ANKRD30B: variants seen among roughly 807,000 people sequenced by gnomAD.
ANKRD30B encodes ankyrin repeat domain 30B, also known as ankyrin repeat domain-containing protein 30B.
A neutral mutation model predicts 202.2 loss-of-function variants in ANKRD30B; 144 were observed. The ratio of observed to expected loss-of-function variants is 0.71; its 90% CI spans 0.62 to 0.82. ANKRD30B has a LOEUF of 0.82. Among genes scored for constraint, ANKRD30B ranks in the 40% least tolerant of loss-of-function variants. ANKRD30B has a pLI of 0.00. For missense variants in ANKRD30B, 1,487 were observed against 1,669.1 expected (o/e 0.89, Z 1.90); for synonymous variants, 508 against 561.3 (o/e 0.91, Z 1.34).
At chr18:14,791,378 T>C (rs1335839299) in intron 15 of ANKRD30B, 23 bp from the exon 16 acceptor site, 8 of 1,557,642 alleles carry the variant, frequency 5.1e-6, no homozygotes, top group East Asian at 4.5e-5. Context: ...ATTGAAATTA[T>C]TTATTGATAT....
the ANKRD30B span, among the ~76,000 whole-genome samples, chr18:14,901,185 G>A: frequency 6.6e-6 from 1 of 152,080 alleles, no homozygotes; most frequent in Non-Finnish European, 1.5e-5. Context: ...TTTAACCATG[G>A]CTATTCTGTC....
chr18:14,864,446 T>A, the ANKRD30B span, among the ~76,000 whole-genome samples: 3 of 152,100 alleles, frequency 2.0e-5, no homozygotes, highest in Non-Finnish European at 4.4e-5. Flanking sequence ...ACAGGAGGAA[T>A]TTTTTTCCTG....
chr18:14,836,682 A>G (rs1971189405), intron 34 of ANKRD30B, among the ~76,000 whole-genome samples: 1 of 152,038 alleles, frequency 6.6e-6, no homozygotes, highest in Admixed American at 6.6e-5. Flanking sequence ...TATATATCTT[A>G]TATGGTTTGG....
intron 33 of ANKRD30B, among the ~76,000 whole-genome samples, chr18:14,829,208 G>A (rs1423795899): frequency 6.6e-6 from 1 of 152,034 alleles, no homozygotes; most frequent in Non-Finnish European, 1.5e-5. Flanking sequence ...GGATTTTAAG[G>A]ACTCTTGGAG....
At position 14,787,120 on chromosome 18, in the gene ANKRD30B, T is replaced by A; in HGVS notation, c.1734+20T>A. The stretch of plus-strand genomic sequence containing the variant: ...TCTGAGGTACTATGTGTTATTGATT[T>A]TTTTAAATATTAGTATTGCATGAGA... On this transcript the variant is annotated intron_variant, in intron 15 of 43. Transcript: ENST00000690538. The A allele has an allele frequency of 6.3e-7, 1 of 1,589,088 alleles. No individual in the cohort carries two copies. Among genetic ancestry groups the A allele is most frequent in the Non-Finnish European group, 8.6e-7 (1 of 1,163,934 alleles).
intron 3 of ANKRD30B, among the ~76,000 whole-genome samples, chr18:14,754,215 C>A (rs1279780470): frequency 6.6e-6 from 1 of 152,090 alleles, no homozygotes; most frequent in Non-Finnish European, 1.5e-5. Context: ...CATCTGGGAT[C>A]TTGGGATTAT....
chr18:14,921,097 T>C, the ANKRD30B span, among the ~76,000 whole-genome samples: 2 of 152,152 alleles, frequency 1.3e-5, no homozygotes, highest in South Asian at 2.1e-4. Flanking sequence ...AGTGATCAGG[T>C]GGCAGGTGTA....
chr18:14,863,508 A>G, the ANKRD30B span, among the ~76,000 whole-genome samples: 6 of 152,204 alleles, frequency 3.9e-5, no homozygotes, highest in South Asian at 6.2e-4. Context: ...TGCTGGTCCC[A>G]TGCTTCTACT....
chr18:14,769,419 C>T (rs1376891484), intron 8 of ANKRD30B, 46 bp downstream of exon 8: 3 of 1,470,362 alleles, frequency 2.0e-6, no homozygotes, highest in South Asian at 1.2e-5. Context: ...ACTCAGAAAA[C>T]ATAGAGAAAA....
chr18:14,827,034 G>A (rs988334392), intron 32 of ANKRD30B, among the ~76,000 whole-genome samples: 3 of 152,082 alleles, frequency 2.0e-5, no homozygotes, highest in Non-Finnish European at 4.4e-5. Flanking sequence ...CCTATGTGAT[G>A]AGATGAAGTC....
intron 9 of ANKRD30B, among the ~76,000 whole-genome samples, chr18:14,772,837 T>C (rs977768363): frequency 5.9e-5 from 9 of 152,032 alleles, no homozygotes; most frequent in Admixed American, 5.2e-4. Context: ...GAAAATTTAT[T>C]TGGGCATGGT....
intron 16 of ANKRD30B, 91 bp downstream of exon 16, chr18:14,791,582 A>T (rs1292502760): frequency 3.0e-6 from 3 of 997,400 alleles, no homozygotes. Context: ...GAAGAAAATT[A>T]CCTCCTTAAT....
At chr18:14,928,661 T>C in the ANKRD30B span, among the ~76,000 whole-genome samples, 3 of 152,208 alleles carry the variant, frequency 2.0e-5, no homozygotes, top group Non-Finnish European at 4.4e-5. Flanking sequence ...AGTCTCCAGA[T>C]TGCAGATGGA....
chr18:14,831,889 C>G (rs1170344730), intron 34 of ANKRD30B, among the ~76,000 whole-genome samples: 1 of 152,118 alleles, frequency 6.6e-6, no homozygotes, highest in Non-Finnish European at 1.5e-5. Flanking sequence ...TTTAATGGAT[C>G]CAGTTACTTA....
the ANKRD30B span, among the ~76,000 whole-genome samples, chr18:14,902,708 G>T: frequency 6.6e-6 from 1 of 152,008 alleles, no homozygotes; most frequent in Non-Finnish European, 1.5e-5. Context: ...CCAGGGTACC[G>T]CCCCAGACAA....
At chr18:14,903,516 T>A in the ANKRD30B span, 2 of 152,218 alleles carry the variant, frequency 1.3e-5, no homozygotes, top group Non-Finnish European at 2.9e-5. Flanking sequence ...TGTGCTGGCA[T>A]GGTTACACTC....
chr18:14,873,524 CAAAAAA>C, the ANKRD30B span, among the ~76,000 whole-genome samples: 75 of 90,638 alleles, frequency 8.3e-4, no homozygotes, highest in Admixed American at 4.1e-3. Context: ...GACTCCGTTT[CAAAAAA>C]AAAAAAAAAA....
rs574826295 is a variant in ANKRD30B at position 14,810,763 on chromosome 18, T to A, written c.2488+583T>A. On this transcript the variant is annotated intron_variant, in intron 28 of 43. Transcript: ENST00000690538. ...TTTTATGCTACTGTAATTAATTGCC[T>A]AGAGGTACAAAACAGCCTGAATTAA... Among the ~76,000 whole-genome samples, 2 of 151,232 alleles carry A rather than the reference T, an allele frequency of 1.3e-5. 1 individual carries two copies. Among genetic ancestry groups the A allele is most frequent in the Non-Finnish European group, 2.9e-5 (2 of 67,822 alleles).
the ANKRD30B span, among the ~76,000 whole-genome samples, chr18:14,936,073 GA>G: frequency 6.6e-6 from 1 of 152,258 alleles, no homozygotes; most frequent in South Asian, 2.1e-4. Flanking sequence ...TGAAGAGCCT[GA>G]GTGTGGGTAG....
Sources: allele counts gnomAD v4.1 joint callset (sites outside exome capture counted in the v4.1 genomes callset), GRCh38; gene constraint gnomAD v4.1.1; transcripts MANE v1.5; gene names NCBI Gene and HGNC (gene_info 2026-07-23, HGNC 2026-07-21).